Variants in FRMD4B observed in about 807,000 individuals in gnomAD.
The protein encoded by FRMD4B is FERM domain-containing protein 4B.
FRMD4B carries 74 observed loss-of-function variants against 141.5 expected under a neutral mutation model. The observed-to-expected ratio is 0.52, with a 90% CI of 0.43 to 0.63. The LOEUF (loss-of-function observed/expected upper bound fraction) is 0.63. FRMD4B is among the 30% of genes least tolerant of loss of function. The probability of loss-of-function intolerance (pLI) is 0.00; values close to 1 mark genes in which losing one functional copy is unlikely to be tolerated. For missense variants in FRMD4B, 1,366 were observed against 1,253.4 expected (o/e 1.09, Z -1.36); for synonymous variants, 506 against 467.9 (o/e 1.08, Z -1.05).
intron 5 of FRMD4B, among the ~76,000 whole-genome samples, chr3:69,256,115 G>A (rs138048587): frequency 6.6e-6 from 1 of 151,914 alleles, no homozygotes. Context: ...TAAAAGGTTG[G>A]GGGGGAGGGA....
chr3:69,472,743 G>C (rs373022895), intron 1 of FRMD4B, among the ~76,000 whole-genome samples: 12 of 152,012 alleles, frequency 7.9e-5, no homozygotes, highest in African/African-American at 2.2e-4. Context: ...GCAGAGAGGG[G>C]ACCCGGAAGA....
intron 7 of FRMD4B, among the ~76,000 whole-genome samples, chr3:69,244,369 G>A (rs1415645544): frequency 6.6e-6 from 1 of 152,160 alleles, no homozygotes; most frequent in African/African-American, 2.4e-5. Flanking sequence ...CACAAGGAGT[G>A]GACCAGAGCA....
intron 10 of FRMD4B, among the ~76,000 whole-genome samples, chr3:69,218,089 A>C (rs73097725): frequency 0.11 from 17,095 of 152,198 alleles, 1,080 homozygotes; most frequent in African/African-American, 0.17. Flanking sequence ...CAACTGGAAA[A>C]AAGACCAATC....
intron 2 of FRMD4B, among the ~76,000 whole-genome samples, chr3:69,428,848 A>C (rs1283435398): frequency 1.3e-5 from 2 of 152,084 alleles, no homozygotes; most frequent in Non-Finnish European, 2.9e-5. Context: ...GTAACTCCCC[A>C]TTCCCTCTTC....
At chr3:69,416,459 A>G (rs747489543) in intron 2 of FRMD4B, among the ~76,000 whole-genome samples, 4 of 152,166 alleles carry the variant, frequency 2.6e-5, no homozygotes, top group Non-Finnish European at 5.9e-5. Context: ...AATATAAATT[A>G]TAAGTTAGAT....
At chr3:69,522,030 T>C (rs1281348594) in intron 1 of FRMD4B, among the ~76,000 whole-genome samples, 1 of 152,216 alleles carries the variant, frequency 6.6e-6, no homozygotes, top group African/African-American at 2.4e-5. Context: ...GCCACACATG[T>C]TTATGGGTGC....
At chr3:69,388,765 C>T (rs942313724), upstream of FRMD4B, among the ~76,000 whole-genome samples, 1 of 152,158 alleles carries the variant, frequency 6.6e-6, no homozygotes, top group African/African-American at 2.4e-5. Flanking sequence ...CCAAAGAAAA[C>T]TAATCACCAT....
chr3:69,394,137 G>T (rs1393593185), intron 2 of FRMD4B, among the ~76,000 whole-genome samples: 1 of 152,240 alleles, frequency 6.6e-6, no homozygotes. Context: ...AGGCTGGGAA[G>T]TACAAGATCA....
chr3:69,462,212 C>T (rs999946158), intron 1 of FRMD4B, among the ~76,000 whole-genome samples: 8 of 152,190 alleles, frequency 5.3e-5, no homozygotes, highest in African/African-American at 1.9e-4. Flanking sequence ...GTAACCAGAG[C>T]TCAGTCTTGC....
chr3:69,292,673 T>C (rs1700909947), intron 4 of FRMD4B, among the ~76,000 whole-genome samples: 2 of 152,136 alleles, frequency 1.3e-5, no homozygotes. Context: ...TTATGGAGTG[T>C]ATGAAAAATA....
Position 69,536,331 on chromosome 3 carries a change from GCCAGTGGCC to G in FRMD4B, c.-129+5866_-129+5874del, listed in dbSNP as rs1251187653. The stretch of plus-strand genomic sequence containing the variant: ...TGTGCTTGGGATCTAATTTGAAGCT[GCCAGTGGCC>G]CCCCTTGCTTCGGAGTTGAGGGGCC... On this transcript the variant is annotated intron_variant, in intron 1 of 5. Coordinates refer to the FRMD4B transcript ENST00000459638. 1.2e-5 allele frequency: 8 copies of G among 661,030 alleles called. No individual in the cohort carries two copies. The Admixed American group carries it at 1.7e-4, about 14-fold the overall frequency. The allele number at this position is 661,030 out of a possible 1,614,324, so 40.9% of individuals were successfully genotyped here.
chr3:69,521,033 C>A lies in FRMD4B; in HGVS notation c.-129+21173G>T, dbSNP rs553508907. ...TATTCTGGGAATTAGCACTTCCAAT[C>A]CTATCTGGATCTTATGGGGAGTTTC... On this transcript the variant is annotated intron_variant, in intron 1 of 5. Transcript: ENST00000459638. Among the ~76,000 whole-genome samples the A allele has an allele frequency of 1.7e-4, 26 of 152,262 alleles. No homozygotes were observed. The South Asian group carries it at 5.2e-3, about 30-fold the overall frequency.
chr3:69,408,813 G>A (rs529061903), intron 2 of FRMD4B, among the ~76,000 whole-genome samples: 7 of 152,120 alleles, frequency 4.6e-5, no homozygotes, highest in Middle Eastern at 3.4e-3. Context: ...GGGAAGAGTC[G>A]ACGACTGGAG....
At chr3:69,310,226 G>T (rs1274279681) in intron 3 of FRMD4B, among the ~76,000 whole-genome samples, 1 of 152,092 alleles carries the variant, frequency 6.6e-6, no homozygotes. Flanking sequence ...ATATTCTGGA[G>T]GTCCTAGGCT....
chr3:69,198,914 T>C (rs2092937065), intron 11 of FRMD4B, 140 bp from the exon 12 acceptor site: 2 of 621,474 alleles, frequency 3.2e-6, no homozygotes, highest in Non-Finnish European at 5.8e-6. Flanking sequence ...TTCAGCCTTT[T>C]TACAAATCAA....
Position 69,245,402 on chromosome 3 carries a change from C to T in FRMD4B, c.581+3824G>A, listed in dbSNP as rs149206897. ...TTGCCCAGGCTGGAGTGCAGTGGAA[C>T]GATCTCTAGCTCAGTGCAAACCTCC... On this transcript the variant is annotated intron_variant, in intron 7 of 22. Coordinates refer to ENST00000398540, the MANE Select transcript of FRMD4B (RefSeq NM_015123.3). Among the ~76,000 whole-genome samples, 178 of 151,260 alleles carry T rather than the reference C, an allele frequency of 1.2e-3. 1 individual carries two copies. Among genetic ancestry groups the T allele is most frequent in the African/African-American group, 4.2e-3 (172 of 41,142 alleles).
chr3:69,244,907 T>G (rs1467724484), intron 7 of FRMD4B, among the ~76,000 whole-genome samples: 3 of 152,144 alleles, frequency 2.0e-5, no homozygotes, highest in Non-Finnish European at 4.4e-5. Flanking sequence ...ATCACAGCAT[T>G]ATTTATATTA....
At chr3:69,482,177 C>T (rs1439593355) in intron 1 of FRMD4B, among the ~76,000 whole-genome samples, 1 of 152,110 alleles carries the variant, frequency 6.6e-6, no homozygotes, top group African/African-American at 2.4e-5. Context: ...TAGTTCAATG[C>T]CCCAATCTAA....
intron 7 of FRMD4B, among the ~76,000 whole-genome samples, chr3:69,246,489 A>G (rs965434357): frequency 6.6e-6 from 1 of 152,072 alleles, no homozygotes; most frequent in Non-Finnish European, 1.5e-5. Context: ...ACAAAAGAAA[A>G]ACAAAGAGGA....
Sources: allele counts gnomAD v4.1 joint callset (sites outside exome capture counted in the v4.1 genomes callset), GRCh38; gene constraint gnomAD v4.1.1; transcripts MANE v1.5; gene names NCBI Gene and HGNC (gene_info 2026-07-23, HGNC 2026-07-21).